Variants in HSD17B11 observed in about 807,000 individuals in gnomAD.
The protein encoded by HSD17B11 is hydroxysteroid 17-beta dehydrogenase 11, also known as estradiol 17-beta-dehydrogenase 11.
HSD17B11 carries 22 observed loss-of-function variants against 27.8 expected under a neutral mutation model. That is an observed-to-expected ratio of 0.79 (90% confidence interval 0.56 to 1.13). The LOEUF (loss-of-function observed/expected upper bound fraction) is 1.13, where lower values mean the gene tolerates loss of function less well. HSD17B11 is among the 50% of genes most tolerant of loss of function. The probability of loss-of-function intolerance (pLI) is 0.00; values close to 1 mark genes in which losing one functional copy is unlikely to be tolerated. For synonymous variants in HSD17B11, 117 were observed against 132.8 expected, an observed-to-expected ratio of 0.88 and a Z score of 0.82; for missense variants, 314 against 351.1, an observed-to-expected ratio of 0.89 and a Z score of 0.84.
chr4:87,338,259 C>T (rs572139790), intron 6 of HSD17B11, among the ~76,000 whole-genome samples: 1 of 152,130 alleles, frequency 6.6e-6, no homozygotes, highest in Non-Finnish European at 1.5e-5. Context: ...GTGACGGACA[C>T]TAGCAGGTCT....
At chr4:87,362,113 G>A (rs913586706) in intron 4 of HSD17B11, among the ~76,000 whole-genome samples, 28 of 152,226 alleles carry the variant, frequency 1.8e-4, no homozygotes, top group Non-Finnish European at 5.9e-5. Context: ...CAACTTAGGG[G>A]AGTTAGAGTC....
At chr4:87,370,660 G>A (rs984532080) in intron 4 of HSD17B11, among the ~76,000 whole-genome samples, 5 of 150,622 alleles carry the variant, frequency 3.3e-5, no homozygotes, top group Admixed American at 6.6e-5. Context: ...CTCGTGATCC[G>A]CTTGCCTCGG....
intron 5 of HSD17B11, among the ~76,000 whole-genome samples, chr4:87,356,661 T>C (rs2110117002): frequency 6.6e-6 from 1 of 152,360 alleles, no homozygotes; most frequent in East Asian, 1.9e-4. Context: ...CAAATAAGTA[T>C]GCATCATGTT....
chr4:87,337,836 T>C (rs1007562143), intron 6 of HSD17B11, among the ~76,000 whole-genome samples: 4 of 152,236 alleles, frequency 2.6e-5, no homozygotes, highest in Non-Finnish European at 5.9e-5. Context: ...TTATTTCACC[T>C]TTCAGTTTAA....
chr4:87,373,434 G>A (rs571914718), intron 3 of HSD17B11, among the ~76,000 whole-genome samples: 1 of 151,938 alleles, frequency 6.6e-6, no homozygotes, highest in East Asian at 1.9e-4. Context: ...ACCCGGCCAA[G>A]TGCAGTGGCT....
intron 5 of HSD17B11, among the ~76,000 whole-genome samples, chr4:87,346,216 C>T (rs1440637569): frequency 6.6e-6 from 1 of 152,264 alleles, no homozygotes; most frequent in African/African-American, 2.4e-5. Context: ...TGACATGATA[C>T]AACGTTCCTT....
chr4:87,356,409 A>G (rs1735388784), intron 5 of HSD17B11, among the ~76,000 whole-genome samples: 1 of 152,212 alleles, frequency 6.6e-6, no homozygotes, highest in African/African-American at 2.4e-5. Context: ...AATAATCAAT[A>G]CAATTTATTA....
chr4:87,379,502 A>G (rs913887372), intron 2 of HSD17B11, among the ~76,000 whole-genome samples: 2 of 146,822 alleles, frequency 1.4e-5, no homozygotes, highest in Admixed American at 1.4e-4. Flanking sequence ...TATATATTAT[A>G]TATACATATA....
At chr4:87,345,996 C>G (rs1420760784) in intron 5 of HSD17B11, among the ~76,000 whole-genome samples, 1 of 152,202 alleles carries the variant, frequency 6.6e-6, no homozygotes, top group East Asian at 1.9e-4. Context: ...CACATGAAAA[C>G]TACTGACCAG....
At position 87,337,221 on chromosome 4, in the gene HSD17B11, C is replaced by T. The variant is rs1735071154; in HGVS notation, c.*55G>A. The T allele has an allele frequency of 9.8e-7, 1 of 1,025,182 alleles. No individual in the cohort carries two copies. The highest frequency in any genetic ancestry group is 1.3e-5 in the South Asian group (1 of 76,470). The allele number at this position is 1,025,182 out of a possible 1,614,324, so 63.5% of individuals were successfully genotyped here. A position where few individuals can be genotyped will look rare whatever the true frequency, so the allele number is the denominator to read the frequency against. On this transcript the variant is annotated 3_prime_UTR_variant, in exon 7 of 7. Coordinates refer to ENST00000358290, the MANE Select transcript of HSD17B11 (RefSeq NM_016245.5). ...AAGTTCAAACATTAAAATTCTGGCA[C>T]TATTAGATGACATCAACCTAAACCT...
intron 5 of HSD17B11, among the ~76,000 whole-genome samples, chr4:87,344,626 T>C (rs1735233174): frequency 6.6e-6 from 1 of 152,144 alleles, no homozygotes; most frequent in Non-Finnish European, 1.5e-5. Flanking sequence ...AATAGAAGAC[T>C]TGAATAACAC....
chr4:87,363,159 C>T (rs1214591389), intron 4 of HSD17B11, among the ~76,000 whole-genome samples: 2 of 152,004 alleles, frequency 1.3e-5, no homozygotes, highest in African/African-American at 4.8e-5. Context: ...CAGCTTGGCC[C>T]CCGGGGAGAT....
intron 2 of HSD17B11, among the ~76,000 whole-genome samples, chr4:87,375,625 C>T (rs1735806895): frequency 6.6e-6 from 1 of 152,194 alleles, no homozygotes; most frequent in South Asian, 2.1e-4. Flanking sequence ...CCTATAATCC[C>T]AGCTACTCAG....
rs1297910291 is a variant in HSD17B11 at position 87,348,816 on chromosome 4, T to TCA, written c.696-8211_696-8210insTG. On this transcript the variant is annotated intron_variant, in intron 5 of 6. Coordinates refer to ENST00000358290, the MANE Select transcript of HSD17B11 (RefSeq NM_016245.5). ...TTTTATTTCCTTGAGCAGTGGTTTGTAGTTCTCCTTGAAGAGGTCCTTCAC... is the reference window on the plus strand; with the variant it reads ...TTTTATTTCCTTGAGCAGTGGTTTGTCAAGTTCTCCTTGAAGAGGTCCTTCAC... Among the ~76,000 whole-genome samples, 2 of 33,750 alleles carry TCA rather than the reference T, an allele frequency of 5.9e-5. 1 individual carries two copies. Among genetic ancestry groups the TCA allele is most frequent in the East Asian group, 1.1e-3 (2 of 1,858 alleles). 22.1% of individuals were successfully genotyped at this position (33,750 alleles called of 152,430 possible).
chr4:87,378,865 TA>T (rs1390615173), intron 2 of HSD17B11, among the ~76,000 whole-genome samples: 1 of 24,612 alleles, frequency 4.1e-5, no homozygotes, highest in African/African-American at 3.3e-4. Flanking sequence ...TAAATATATA[TA>T]AATATATATA....
At chr4:87,342,801 T>A (rs773231353) in intron 5 of HSD17B11, among the ~76,000 whole-genome samples, 5 of 152,152 alleles carry the variant, frequency 3.3e-5, no homozygotes, top group African/African-American at 9.7e-5. Flanking sequence ...GTATTACATA[T>A]GAAAATCTTG....
chr4:87,384,182 A>C lies in HSD17B11; in HGVS notation c.211-1820T>G, dbSNP rs527729372. On this transcript the variant is annotated intron_variant, in intron 1 of 6. Coordinates refer to ENST00000358290, the MANE Select transcript of HSD17B11 (RefSeq NM_016245.5). ...AAAGAACATAAATTGTGAAGATTTC[A>C]TTTTAATATGGACATTTATCAGTGC... Among the ~76,000 whole-genome samples, 41 of 152,328 alleles carry C rather than the reference A, an allele frequency of 2.7e-4. 1 individual carries two copies. The South Asian group carries it at 8.3e-3, about 31-fold the overall frequency.
At chr4:87,383,687 C>A (rs373228954) in intron 1 of HSD17B11, among the ~76,000 whole-genome samples, 7 of 150,822 alleles carry the variant, frequency 4.6e-5, no homozygotes, top group African/African-American at 1.5e-4. Flanking sequence ...AGGATCATAC[C>A]ATTGGGGTTT....
intron 2 of HSD17B11, among the ~76,000 whole-genome samples, chr4:87,381,694 G>A (rs986862509): frequency 1.3e-5 from 2 of 150,980 alleles, no homozygotes; most frequent in East Asian, 1.9e-4. Context: ...GGGAGGTGGA[G>A]GTTGCAATGA....
Sources: gnomAD v4.1 joint callset for allele counts (sites outside exome capture counted in the v4.1 genomes callset) on GRCh38, gnomAD v4.1.1 for gene constraint, MANE v1.5 for transcripts, NCBI Gene and HGNC (gene_info 2026-07-23, HGNC 2026-07-21) for gene names.